Variants in TNS3 observed in about 807,000 individuals in gnomAD.
TNS3 encodes tensin-3.
TNS3 carries 45 observed loss-of-function variants against 140.9 expected under a neutral mutation model. The observed-to-expected ratio is 0.32, with a 90% CI of 0.25 to 0.41. TNS3 has a LOEUF of 0.41. Ranked by LOEUF, TNS3 falls within the 10% of genes least tolerant of loss-of-function variation. The pLI, the probability that TNS3 is intolerant of heterozygous loss-of-function variation, is 1.00. For missense variants in TNS3, 1,716 were observed against 1,906.7 expected (o/e 0.90, Z 1.86); for synonymous variants, 815 against 788.4 (o/e 1.03, Z -0.56).
chr7:47,561,911 C>T (rs757952577), intron 1 of TNS3, among the ~76,000 whole-genome samples: 133 of 152,182 alleles, frequency 8.7e-4, no homozygotes, highest in Non-Finnish European at 1.5e-3. Flanking sequence ...GAGCACAGCT[C>T]CCATGCAGCT....
intron 3 of TNS3, among the ~76,000 whole-genome samples, chr7:47,495,700 C>T (rs1322117460): frequency 6.6e-6 from 1 of 152,140 alleles, no homozygotes; most frequent in Non-Finnish European, 1.5e-5. Flanking sequence ...CAGAAAGTCC[C>T]GGAGATAAGC....
chr7:47,297,169 G>A lies in TNS3; in HGVS notation c.3589C>T (p.Arg1197Ter), dbSNP rs758226448. Reference sequence around the variant, plus strand: ...GCCCCTCGGAAGGAATGGCTGTCTCGAACAATGAATGAGCCCGGCTCCTTG... The same window carrying A: ...GCCCCTCGGAAGGAATGGCTGTCTCAAACAATGAATGAGCCCGGCTCCTTG... ...KDKEPGSFIV[R>*]DSHSFRGAYG... Residue 1197 changes from arginine to a stop codon, truncating the protein, a stop_gained, in exon 24 of 31, where the codon CGA becomes TGA. Coordinates refer to ENST00000311160, the MANE Select transcript of TNS3 (RefSeq NM_022748.12). LOFTEE classifies it high-confidence loss of function. The A allele has an allele frequency of 5.0e-6, 8 of 1,613,572 alleles. No individual in the cohort carries two copies. The Admixed American group carries it at 5.0e-5, about 10-fold the overall frequency.
chr7:47,431,676 A>G (rs991456904), intron 8 of TNS3, among the ~76,000 whole-genome samples: 1 of 152,232 alleles, frequency 6.6e-6, no homozygotes, highest in African/African-American at 2.4e-5. Context: ...AAGGAAGGAA[A>G]AAACAAAGGT....
intron 17 of TNS3, among the ~76,000 whole-genome samples, chr7:47,350,727 C>G (rs958305396): frequency 6.6e-6 from 1 of 152,196 alleles, no homozygotes; most frequent in Non-Finnish European, 1.5e-5. Flanking sequence ...AAGAACAACA[C>G]AAAGCTGGCT....
intron 6 of TNS3, 122 bp downstream of exon 6, chr7:47,439,365 G>GT: frequency 9.0e-7 from 1 of 1,115,660 alleles, no homozygotes. Context: ...ACGGACAGCT[G>GT]TGTGAGCCCA....
At chr7:47,448,901 C>T (rs1795883142) in intron 4 of TNS3, among the ~76,000 whole-genome samples, 1 of 152,196 alleles carries the variant, frequency 6.6e-6, no homozygotes, top group Non-Finnish European at 1.5e-5. Flanking sequence ...AGTCCCACAC[C>T]ACCTGCCAGC....
rs1283108004 is a variant in TNS3, at chr7:47,329,915, G to C, written c.2650+14840C>G. Among the ~76,000 whole-genome samples the C allele has an allele frequency of 2.0e-5, 3 of 152,118 alleles. No individual in the cohort carries two copies. The South Asian group carries it at 6.2e-4, about 32-fold the overall frequency. On this transcript the variant is annotated intron_variant, in intron 20 of 30. Coordinates refer to ENST00000311160, the MANE Select transcript of TNS3 (RefSeq NM_022748.12). The stretch of plus-strand genomic sequence containing the variant: ...AGGAGGCAGGGCATGCTGCTTCTGT[G>C]CCCGTGTCACAGCCATGACTGGGAC...
chr7:47,454,201 C>A (rs757347892), intron 4 of TNS3, among the ~76,000 whole-genome samples: 1 of 152,072 alleles, frequency 6.6e-6, no homozygotes, highest in Non-Finnish European at 1.5e-5. Flanking sequence ...ACAGGGGGCC[C>A]CAGTTTATAA....
chr7:47,548,336 G>A (rs1478143198), intron 1 of TNS3, among the ~76,000 whole-genome samples: 2 of 152,124 alleles, frequency 1.3e-5, no homozygotes, highest in East Asian at 3.9e-4. Flanking sequence ...TACCTGGCCT[G>A]TCTCTCTGCT....
chr7:47,541,084 C>G (rs958923617), intron 1 of TNS3, among the ~76,000 whole-genome samples: 10 of 152,156 alleles, frequency 6.6e-5, no homozygotes, highest in African/African-American at 2.4e-4. Context: ...GCCCTAGAAA[C>G]ACAGATAAAT....
intron 4 of TNS3, among the ~76,000 whole-genome samples, chr7:47,458,399 G>A (rs1424915341): frequency 1.3e-5 from 2 of 152,266 alleles, no homozygotes; most frequent in African/African-American, 2.4e-5. Flanking sequence ...CCATCTGGAA[G>A]TGCCTCATGA....
intron 4 of TNS3, among the ~76,000 whole-genome samples, chr7:47,448,452 G>A (rs577875139): frequency 6.1e-4 from 92 of 151,084 alleles, no homozygotes; most frequent in African/African-American, 2.2e-3. Context: ...TAATCAATGA[G>A]AGCCCAACTC....
In TNS3 at chr7:47,294,310, C is replaced by T. The variant is rs140132032; in HGVS notation, c.3677-482G>A. 4.8e-3 allele frequency among the ~76,000 whole-genome samples: 737 copies of T among 152,292 alleles called. 10 individuals are homozygous for T. Among genetic ancestry groups the T allele is most frequent in the African/African-American group, 0.017 (703 of 41,566 alleles). ...AACCAGGAGCCTGGATCTTTAAAAC[C>T]TTCCAGAAAGCAAGCACTCAGCTGC... On this transcript the variant is annotated intron_variant, in intron 24 of 30. Coordinates refer to ENST00000311160, the MANE Select transcript of TNS3 (RefSeq NM_022748.12).
chr7:47,535,785 C>CA (rs1431876309), intron 1 of TNS3, among the ~76,000 whole-genome samples: 1 of 152,252 alleles, frequency 6.6e-6, no homozygotes, highest in Non-Finnish European at 1.5e-5. Flanking sequence ...TGCCGAAATG[C>CA]AAAACCGCAG....
In TNS3 at chr7:47,275,880, G is replaced by C; in HGVS notation, c.*2196C>G. On this transcript the variant is annotated 3_prime_UTR_variant, in exon 31 of 31. Coordinates refer to ENST00000311160, the MANE Select transcript of TNS3 (RefSeq NM_022748.12). ...TGAGGGCCATCGCGGGCACCCCGAT[G>C]TCTCTGTGATTCCCTGGCAGGCTGC... 3 of 456,018 alleles carry C rather than the reference G, an allele frequency of 6.6e-6. No homozygotes were observed. The allele number at this position is 456,018 out of a possible 1,614,324, so 28.2% of individuals were successfully genotyped here. A position where few individuals can be genotyped will look rare whatever the true frequency, so the allele number is the denominator to read the frequency against.
intron 10 of TNS3, among the ~76,000 whole-genome samples, chr7:47,416,335 C>T (rs1030290414): frequency 3.9e-5 from 6 of 152,182 alleles, no homozygotes; most frequent in Admixed American, 6.5e-5. Context: ...CTCTCACTTA[C>T]GCTGGCAATT....
intron 16 of TNS3, among the ~76,000 whole-genome samples, chr7:47,385,702 C>T (rs368932418): frequency 6.6e-6 from 1 of 152,200 alleles, no homozygotes; most frequent in African/African-American, 2.4e-5. Context: ...CCCAATACTA[C>T]GAGAAAGATG....
At chr7:47,553,626 A>G (rs1237013865) in intron 1 of TNS3, among the ~76,000 whole-genome samples, 1 of 152,210 alleles carries the variant, frequency 6.6e-6, no homozygotes, top group South Asian at 2.1e-4. Flanking sequence ...ACTGCTCAGA[A>G]AAAAAGAGAT....
chr7:47,471,775 C>T (rs1392638937), intron 4 of TNS3, among the ~76,000 whole-genome samples: 5 of 152,326 alleles, frequency 3.3e-5, no homozygotes, highest in East Asian at 1.9e-4. Context: ...CAGCTCCTCG[C>T]GGCCCATGTC....
Sources: gnomAD v4.1 joint callset for allele counts (sites outside exome capture counted in the v4.1 genomes callset) on GRCh38, gnomAD v4.1.1 for gene constraint, MANE v1.5 for transcripts, NCBI Gene and HGNC (gene_info 2026-07-23, HGNC 2026-07-21) for gene names.